NOS1AP: variants seen among roughly 807,000 people sequenced by gnomAD.
The protein encoded by NOS1AP is carboxyl-terminal PDZ ligand of neuronal nitric oxide synthase protein.
Under a neutral mutation model 56.2 loss-of-function variants are expected in NOS1AP, and 21 were observed. The observed-to-expected ratio is 0.37, with a 90% CI of 0.26 to 0.54. The LOEUF (loss-of-function observed/expected upper bound fraction) is 0.54. Among genes scored for constraint, NOS1AP ranks in the 20% least tolerant of loss-of-function variants. The pLI is 0.84. For synonymous variants in NOS1AP, 270 were observed against 274.6 expected (o/e 0.98, Z 0.17); for missense variants, 522 against 657.8 (o/e 0.79, Z 2.26).
At chr1:162,330,260 G>T (rs907067) in intron 4 of NOS1AP, among the ~76,000 whole-genome samples, 1,922 of 152,304 alleles carry the variant, frequency 0.013, 39 homozygotes, top group African/African-American at 0.043. Flanking sequence ...ATTAATGACA[G>T]CTGGAACACC....
intron 4 of NOS1AP, among the ~76,000 whole-genome samples, chr1:162,306,138 G>A (rs942561920): frequency 6.6e-6 from 1 of 152,154 alleles, no homozygotes; most frequent in African/African-American, 2.4e-5. Flanking sequence ...ACCCTGGTGT[G>A]GGTTATGAGT....
intron 1 of NOS1AP, among the ~76,000 whole-genome samples, chr1:162,080,138 T>C (rs1691852458): frequency 6.6e-6 from 1 of 152,238 alleles, no homozygotes; most frequent in African/African-American, 2.4e-5. Flanking sequence ...GATTAATTAA[T>C]ACCTTGTGAT....
chr1:162,356,882 A>G, intron 7 of NOS1AP, 78 bp from the exon 8 acceptor site: 1 of 1,610,022 alleles, frequency 6.2e-7, no homozygotes, highest in Non-Finnish European at 8.5e-7. Flanking sequence ...GCTCCTCCTG[A>G]GTGCATGCCA....
intron 4 of NOS1AP, among the ~76,000 whole-genome samples, chr1:162,323,914 G>A (rs1048896983): frequency 3.3e-5 from 5 of 152,156 alleles, no homozygotes; most frequent in Non-Finnish European, 5.9e-5. Flanking sequence ...GCGAACCTTT[G>A]TTGATGATTA....
chr1:162,150,354 A>G (rs1222415036), intron 1 of NOS1AP, among the ~76,000 whole-genome samples: 2 of 151,980 alleles, frequency 1.3e-5, no homozygotes, highest in Admixed American at 6.6e-5. Context: ...CATTTTCTTT[A>G]TCCATTTGTC....
At chr1:162,359,713 T>C (rs1360400653) in intron 8 of NOS1AP, among the ~76,000 whole-genome samples, 2 of 141,396 alleles carry the variant, frequency 1.4e-5, no homozygotes, top group Admixed American at 6.8e-5. Flanking sequence ...GCTTGGTTTC[T>C]CTACGCGGGG....
chr1:162,278,487 G>C (rs200071375), intron 2 of NOS1AP, among the ~76,000 whole-genome samples: 2 of 152,112 alleles, frequency 1.3e-5, no homozygotes, highest in East Asian at 3.9e-4. Context: ...ATAGTGAGAG[G>C]TGCTGGGAGG....
At chr1:162,301,639 G>A (rs1030244779) in intron 4 of NOS1AP, among the ~76,000 whole-genome samples, 1 of 152,160 alleles carries the variant, frequency 6.6e-6, no homozygotes, top group Non-Finnish European at 1.5e-5. Flanking sequence ...AGAAAGCCAG[G>A]CTCTCCCAGG....
rs781055581 is a variant in NOS1AP, at chr1:162,356,917, G to A, written c.763-43G>A. The stretch of plus-strand genomic sequence containing the variant: ...AAAGAGAGGGAGGCCCCTCAAGATG[G>A]CTCCTGCCACATGTCATGTCCTGTC... On this transcript the variant is annotated intron_variant, in intron 7 of 9. Coordinates refer to ENST00000361897, the MANE Select transcript of NOS1AP (RefSeq NM_014697.3). 8.7e-6 allele frequency: 14 copies of A among 1,613,250 alleles called. No individual in the cohort carries two copies. The South Asian group carries it at 1.1e-4, about 13-fold the overall frequency.
intron 8 of NOS1AP, chr1:162,364,891 A>G: frequency 1.0e-6 from 1 of 996,534 alleles, no homozygotes; most frequent in Non-Finnish European, 1.2e-6. Context: ...AGGGAGAAAG[A>G]TTATATGGGC....
At chr1:162,246,404 TGAA>T (rs1653665892) in intron 2 of NOS1AP, among the ~76,000 whole-genome samples, 1 of 152,208 alleles carries the variant, frequency 6.6e-6, no homozygotes, top group Admixed American at 6.5e-5. Context: ...AGATCCTTAA[TGAA>T]GAGTGAGGTA....
chr1:162,352,034 A>G (rs116344629), intron 6 of NOS1AP, among the ~76,000 whole-genome samples: 9,746 of 150,736 alleles, frequency 0.065, 416 homozygotes, highest in Middle Eastern at 0.15. Flanking sequence ...GCTTTTCAGC[A>G]TGCTTTGTAG....
intron 2 of NOS1AP, among the ~76,000 whole-genome samples, chr1:162,214,472 G>A (rs1652480391): frequency 6.6e-6 from 1 of 152,134 alleles, no homozygotes; most frequent in African/African-American, 2.4e-5. Context: ...GAGGAATAGA[G>A]TGCCATGGGG....
intron 4 of NOS1AP, among the ~76,000 whole-genome samples, chr1:162,324,350 A>G (rs1301542237): frequency 1.3e-5 from 2 of 148,148 alleles, no homozygotes; most frequent in Non-Finnish European, 3.0e-5. Flanking sequence ...TGAGTGTTGG[A>G]GAGAAATTAA....
At chr1:162,192,706 A>G (rs1210117409) in intron 2 of NOS1AP, among the ~76,000 whole-genome samples, 5 of 152,194 alleles carry the variant, frequency 3.3e-5, no homozygotes, top group African/African-American at 1.2e-4. Flanking sequence ...ATATGTAAAT[A>G]TAGATTTTTA....
At chr1:162,231,002 T>C (rs1280253499) in intron 2 of NOS1AP, among the ~76,000 whole-genome samples, 1 of 152,230 alleles carries the variant, frequency 6.6e-6, no homozygotes, top group Non-Finnish European at 1.5e-5. Context: ...TCTGGATATA[T>C]ACCCAGAAGT....
intron 1 of NOS1AP, among the ~76,000 whole-genome samples, chr1:162,110,705 A>G (rs986709689): frequency 6.6e-6 from 1 of 152,248 alleles, no homozygotes; most frequent in Non-Finnish European, 1.5e-5. Flanking sequence ...TTTAGTACTC[A>G]CTGTGTGACA....
intron 1 of NOS1AP, among the ~76,000 whole-genome samples, chr1:162,118,015 A>G (rs2102048120): frequency 6.6e-6 from 1 of 152,330 alleles, no homozygotes; most frequent in East Asian, 1.9e-4. Flanking sequence ...GGCGTATCTC[A>G]TTGTTCTCCT....
intron 2 of NOS1AP, among the ~76,000 whole-genome samples, chr1:162,234,591 T>A (rs1653227213): frequency 6.6e-6 from 1 of 152,162 alleles, no homozygotes; most frequent in Admixed American, 6.5e-5. Context: ...CCTCTCTATG[T>A]GTCCTGTGCC....
Sources: allele counts gnomAD v4.1 joint callset (sites outside exome capture counted in the v4.1 genomes callset), GRCh38; gene constraint gnomAD v4.1.1; transcripts MANE v1.5; gene names NCBI Gene and HGNC (gene_info 2026-07-23, HGNC 2026-07-21).